NEGR1: variants seen among roughly 807,000 people sequenced by gnomAD.
NEGR1 encodes IgLON family member 4.
A neutral mutation model predicts 40.9 loss-of-function variants in NEGR1; 10 were observed. That is an observed-to-expected ratio of 0.24 (90% CI 0.15 to 0.42). The LOEUF (loss-of-function observed/expected upper bound fraction) is 0.42. Ranked by LOEUF, NEGR1 falls within the 10% of genes least tolerant of loss-of-function variation. The probability of loss-of-function intolerance (pLI) is 1.00; values close to 1 mark genes in which losing one functional copy is unlikely to be tolerated. For synonymous variants in NEGR1, 185 were observed against 166.8 expected (o/e 1.11, Z -0.84); for missense variants, 352 against 438.9 (o/e 0.80, Z 1.77).
intron 2 of NEGR1, among the ~76,000 whole-genome samples, chr1:71,801,629 T>C (rs1321971114): frequency 6.6e-6 from 1 of 152,184 alleles, no homozygotes; most frequent in Non-Finnish European, 1.5e-5. Context: ...ACACTCCACA[T>C]ATATTATCAG....
At chr1:72,222,509 A>T (rs1654046492) in intron 1 of NEGR1, among the ~76,000 whole-genome samples, 1 of 152,160 alleles carries the variant, frequency 6.6e-6, no homozygotes, top group Non-Finnish European at 1.5e-5. Flanking sequence ...AAACATCAGT[A>T]ACCAGTAACC....
At chr1:71,532,314 G>A (rs758647035) in intron 6 of NEGR1, among the ~76,000 whole-genome samples, 1 of 151,484 alleles carries the variant, frequency 6.6e-6, no homozygotes, top group Non-Finnish European at 1.5e-5. Flanking sequence ...CAAAGTATTT[G>A]TGGCTGAATT....
intron 2 of NEGR1, among the ~76,000 whole-genome samples, chr1:71,870,687 T>C (rs1362992219): frequency 6.6e-6 from 1 of 152,208 alleles, no homozygotes; most frequent in Non-Finnish European, 1.5e-5. Flanking sequence ...TGTGAAATTA[T>C]GTTGGCCTAG....
intron 1 of NEGR1, among the ~76,000 whole-genome samples, chr1:72,268,795 C>T (rs1286581228): frequency 6.6e-6 from 1 of 151,280 alleles, no homozygotes; most frequent in East Asian, 1.9e-4. Context: ...TTATGTATAG[C>T]CAAATGAGAT....
chr1:72,164,215 G>A (rs752237956), intron 1 of NEGR1, among the ~76,000 whole-genome samples: 3 of 151,882 alleles, frequency 2.0e-5, no homozygotes, highest in Admixed American at 6.6e-5. Context: ...AACCTTTAAC[G>A]ACCGTTGAAA....
intron 1 of NEGR1, among the ~76,000 whole-genome samples, chr1:72,162,213 A>G (rs1651590834): frequency 6.6e-6 from 1 of 152,010 alleles, no homozygotes; most frequent in African/African-American, 2.4e-5. Context: ...GCACTTTGAG[A>G]GGCCGAGGCG....
At chr1:71,760,978 C>T (rs12124058) in intron 3 of NEGR1, among the ~76,000 whole-genome samples, 1 of 152,012 alleles carries the variant, frequency 6.6e-6, no homozygotes, top group African/African-American at 2.4e-5. Context: ...AACAATAGAT[C>T]CCAGCAGTGT....
intron 2 of NEGR1, among the ~76,000 whole-genome samples, chr1:71,864,627 C>T (rs1408419975): frequency 6.6e-6 from 1 of 151,980 alleles, no homozygotes; most frequent in African/African-American, 2.4e-5. Flanking sequence ...CTTCATCTGA[C>T]AGAAATTAAA....
At chr1:72,142,902 G>C (rs1650742247) in intron 1 of NEGR1, among the ~76,000 whole-genome samples, 1 of 151,744 alleles carries the variant, frequency 6.6e-6, no homozygotes, top group Admixed American at 6.6e-5. Flanking sequence ...GCATTATTCT[G>C]ATTATATATT....
intron 4 of NEGR1, among the ~76,000 whole-genome samples, chr1:71,650,037 C>A (rs1302282441): frequency 6.6e-6 from 1 of 151,958 alleles, no homozygotes; most frequent in Non-Finnish European, 1.5e-5. Context: ...AAATAAGTAA[C>A]AAAAATGTGC....
intron 6 of NEGR1, among the ~76,000 whole-genome samples, chr1:71,586,125 C>G (rs902197108): frequency 6.6e-6 from 1 of 152,076 alleles, no homozygotes; most frequent in African/African-American, 2.4e-5. Flanking sequence ...TGGATCTGCT[C>G]GATTCAAAGC....
At position 71,409,810 on chromosome 1, in the gene NEGR1, G is replaced by T. The variant is rs149238830; in HGVS notation, c.941-2240C>A. 2.3e-4 allele frequency among the ~76,000 whole-genome samples: 35 copies of T among 152,076 alleles called. No individual in the cohort carries two copies. The East Asian group carries it at 6.6e-3, about 29-fold the overall frequency. The stretch of plus-strand genomic sequence containing the variant: ...CAAATGAATGGGTCATAATCAAAAT[G>T]AGTATTTCTGTCCTACAAAATGGAA... On this transcript the variant is annotated intron_variant, in intron 6 of 6. Coordinates refer to ENST00000357731, the MANE Select transcript of NEGR1 (RefSeq NM_173808.3).
At chr1:72,175,922 A>G (rs756565311) in intron 1 of NEGR1, among the ~76,000 whole-genome samples, 9 of 152,086 alleles carry the variant, frequency 5.9e-5, no homozygotes, top group Admixed American at 1.3e-4. Context: ...AGTGGTTTGA[A>G]TGTAAGTATG....
chr1:72,256,758 T>G (rs1655281732), intron 1 of NEGR1, among the ~76,000 whole-genome samples: 1 of 152,194 alleles, frequency 6.6e-6, no homozygotes, highest in South Asian at 2.1e-4. Context: ...ACTATATAAA[T>G]TTGAATCTTT....
intron 2 of NEGR1, among the ~76,000 whole-genome samples, chr1:71,827,612 A>G (rs574357572): frequency 6.6e-6 from 1 of 152,062 alleles, no homozygotes; most frequent in South Asian, 2.1e-4. Flanking sequence ...CTGAGAAAAT[A>G]CAGAAATTAC....
chr1:71,530,707 C>G (rs1265248393), intron 6 of NEGR1, among the ~76,000 whole-genome samples: 1 of 151,270 alleles, frequency 6.6e-6, no homozygotes, highest in Non-Finnish European at 1.5e-5. Context: ...TTCATAGTTT[C>G]CAAACATTTA....
At chr1:71,655,671 G>T (rs556834073) in intron 4 of NEGR1, among the ~76,000 whole-genome samples, 95 of 152,122 alleles carry the variant, frequency 6.2e-4, no homozygotes, top group Non-Finnish European at 1.1e-3. Flanking sequence ...AGGGTGGGTT[G>T]CAGGGCAATA....
At chr1:72,121,683 T>C (rs993159393) in intron 1 of NEGR1, among the ~76,000 whole-genome samples, 2 of 151,884 alleles carry the variant, frequency 1.3e-5, no homozygotes, top group East Asian at 1.9e-4. Flanking sequence ...GATGAGTCTA[T>C]CAATTGATCT....
intron 6 of NEGR1, among the ~76,000 whole-genome samples, chr1:71,550,011 T>C (rs577713457): frequency 6.6e-6 from 1 of 151,682 alleles, no homozygotes; most frequent in Admixed American, 6.6e-5. Context: ...TCTATACTTC[T>C]TTCCTCATTT....
Sources: gnomAD v4.1 joint callset for allele counts (sites outside exome capture counted in the v4.1 genomes callset) on GRCh38, gnomAD v4.1.1 for gene constraint, MANE v1.5 for transcripts, NCBI Gene and HGNC (gene_info 2026-07-23, HGNC 2026-07-21) for gene names.